ZNF624: variants seen among roughly 807,000 people sequenced by gnomAD.
ZNF624 encodes zinc finger protein 624.
ZNF624 carries 43 observed loss-of-function variants against 74.7 expected under a neutral mutation model. That is an observed-to-expected ratio of 0.58 (90% CI 0.45 to 0.74). The LOEUF (loss-of-function observed/expected upper bound fraction) is 0.74. Among genes scored for constraint, ZNF624 ranks in the 30% least tolerant of loss-of-function variants. The probability of loss-of-function intolerance (pLI) is 0.00; values close to 1 mark genes in which losing one functional copy is unlikely to be tolerated. For missense variants in ZNF624, 820 were observed against 1,030.0 expected, an observed-to-expected ratio of 0.80 and a Z score of 2.79; for synonymous variants, 331 against 341.3, an observed-to-expected ratio of 0.97 and a Z score of 0.33.
downstream of ZNF624, chr17:16,617,240 T>C: frequency 1.7e-5 from 28 of 1,612,890 alleles, no homozygotes; most frequent in Non-Finnish European, 2.4e-5. Context: ...CTTCCAGATC[T>C]ACTGCGGCTG....
intron 5 of ZNF624, among the ~76,000 whole-genome samples, chr17:16,626,372 T>C (rs1256940252): frequency 6.6e-6 from 1 of 152,246 alleles, no homozygotes; most frequent in African/African-American, 2.4e-5. Flanking sequence ...TACTTTTAAA[T>C]AGTTTTAATT....
At chr17:16,640,463 G>A (rs9916706) in intron 3 of ZNF624, among the ~76,000 whole-genome samples, 56,652 of 151,638 alleles carry the variant, frequency 0.37, 11,712 homozygotes, top group East Asian at 0.56. Context: ...AAATAAAAAA[G>A]GGCAAAAATT....
chr17:16,634,703 C>A lies in ZNF624; in HGVS notation c.207G>T (p.Arg69Ser). Residue 69 changes from arginine to serine, a missense_variant, in exon 4 of 6, where the codon AGG becomes AGT. Arg to Ser is a moderately radical substitution (Grantham distance 110). Coordinates refer to ENST00000311331, the MANE Select transcript of ZNF624 (RefSeq NM_020787.4). The stretch of plus-strand genomic sequence containing the variant: ...GGTTCCTCTGTGTAGGGTCCATCAA[C>A]CTCCACTCCTCCAATGTGAAGTCTA... ...VAIDFTLEEWRLMDPTQRNLH... is the reference protein window; with the variant it reads ...VAIDFTLEEWSLMDPTQRNLH... The A allele has an allele frequency of 6.2e-7, 1 of 1,613,832 alleles. No individual in the cohort carries two copies. The highest frequency in any genetic ancestry group is 8.5e-7 in the Non-Finnish European group (1 of 1,179,774).
At chr17:16,643,805 T>C (rs369485620) in intron 3 of ZNF624, among the ~76,000 whole-genome samples, 5 of 151,996 alleles carry the variant, frequency 3.3e-5, no homozygotes, top group East Asian at 3.9e-4. Flanking sequence ...GAATGAAAAA[T>C]TGATTGTAGA....
At chr17:16,651,891 C>T (rs368711543) in intron 1 of ZNF624, among the ~76,000 whole-genome samples, 1 of 151,884 alleles carries the variant, frequency 6.6e-6, no homozygotes, top group African/African-American at 2.4e-5. Context: ...AACAAGTACA[C>T]CTTAAGAAAT....
intron 1 of ZNF624, among the ~76,000 whole-genome samples, chr17:16,652,834 T>C (rs1256198466): frequency 6.6e-6 from 1 of 152,230 alleles, no homozygotes; most frequent in African/African-American, 2.4e-5. Context: ...TAACCCTGCT[T>C]TGGCTACCGT....
intron 2 of ZNF624, 37 bp downstream of exon 2, chr17:16,649,621 C>T: frequency 6.3e-7 from 1 of 1,591,414 alleles, no homozygotes; most frequent in Non-Finnish European, 8.6e-7. Flanking sequence ...GCTCTCAAAC[C>T]AAGATAGTAG....
intron 3 of ZNF624, among the ~76,000 whole-genome samples, chr17:16,638,887 C>G (rs1365949687): frequency 6.6e-6 from 1 of 152,036 alleles, no homozygotes; most frequent in African/African-American, 2.4e-5. Flanking sequence ...AGAGGGGGAA[C>G]AGGTTTAAGG....
Position 16,640,597 on chromosome 17 carries a change from A to G in ZNF624, c.154-5841T>C, listed in dbSNP as rs138854111. Among the ~76,000 whole-genome samples, 17 of 152,316 alleles carry G rather than the reference A, an allele frequency of 1.1e-4. No homozygotes were observed. The East Asian group carries it at 3.3e-3, about 29-fold the overall frequency. ...AGACATTCCTACTGACCTTAAAGAA[A>G]TAAGAGGATTATAAAGGAACACTAT... On this transcript the variant is annotated intron_variant, in intron 3 of 5. Transcript: ENST00000311331.
chr17:16,645,962 A>AAAAAG (rs1555906167), intron 3 of ZNF624, among the ~76,000 whole-genome samples: 1 of 151,240 alleles, frequency 6.6e-6, no homozygotes, highest in Non-Finnish European at 1.5e-5. Flanking sequence ...AAAAAAAAAA[A>AAAAAG]AAAGAAAATG....
rs568297772 is a variant in ZNF624 at position 16,634,673 on chromosome 17, G to A, written c.237C>T (p.His79=). Residue 79 remains histidine (H), a synonymous_variant, in exon 4 of 6, where the codon CAC becomes CAT. Transcript: ENST00000311331. ...RLMDPTQRNL[H]KDVMLENYRN... is the part of the protein sequence containing the mutation. ...TGTAATTCTCTAGCATCACATCCTT[G>A]TGCAGGTTCCTCTGTGTAGGGTCCA... The A allele has an allele frequency of 6.2e-7, 1 of 1,613,800 alleles. No homozygotes were observed. The highest frequency in any genetic ancestry group is 1.3e-5 in the African/African-American group (1 of 75,024).
At chr17:16,647,259 C>T (rs1284964188) in intron 3 of ZNF624, 70 bp downstream of exon 3, 1 of 1,285,188 alleles carries the variant, frequency 7.8e-7, no homozygotes, top group African/African-American at 1.5e-5. Flanking sequence ...TAACTGGGAA[C>T]ATTGAGAATC....
chr17:16,615,449 A>G, the ZNF624 span, among the ~76,000 whole-genome samples: 2 of 152,196 alleles, frequency 1.3e-5, no homozygotes, highest in Non-Finnish European at 2.9e-5. Flanking sequence ...TAGTTGCACA[A>G]TATGACTTAA....
chr17:16,622,475 C>T lies in ZNF624; in HGVS notation c.2411G>A (p.Gly804Glu). 6.2e-7 allele frequency: 1 copy of T among 1,613,942 alleles called. No individual in the cohort carries two copies. Among genetic ancestry groups the T allele is most frequent in the Non-Finnish European group, 8.5e-7 (1 of 1,179,890 alleles). Residue 804 changes from glycine (G) to glutamate (E), a missense_variant, in exon 6 of 6, where the codon GGG (glycine) becomes GAG (glutamate). By Grantham distance (98) the Gly-to-Glu change is moderately conservative. Coordinates refer to ENST00000311331, the MANE Select transcript of ZNF624 (RefSeq NM_020787.4). The stretch of plus-strand genomic sequence containing the variant: ...TTCTTCACATTTATAGGGCCTCTCC[C>T]CAGTATGAATTCTCTGATGTAGGGT... ...QLTLHQRIHT[G>E]ERPYKCEECG...
Position 16,647,350 on chromosome 17 carries a change from T to C in ZNF624, c.132A>G (p.Ala44=). ...TTACCTTTACCAATTGTGTTTCTTC[T>C]GCCTGAAGGTGAAGATCTTCATCTG... ...TQPDEDLHLQ[A]EETQLVKESV... The change falls in exon 3 of 6, where the codon GCA becomes GCG. Residue 44 remains alanine (A), a synonymous_variant. Transcript: ENST00000311331. The C allele has an allele frequency of 1.2e-6, 2 of 1,614,172 alleles. No individual in the cohort carries two copies. Among genetic ancestry groups the C allele is most frequent in the Non-Finnish European group, 1.7e-6 (2 of 1,179,990 alleles).
chr17:16,632,699 T>C (rs1362798781), intron 5 of ZNF624, among the ~76,000 whole-genome samples: 2 of 152,246 alleles, frequency 1.3e-5, no homozygotes, highest in Non-Finnish European at 2.9e-5. Context: ...ATCTCCTGGA[T>C]AGACTATTGT....
At chr17:16,617,452 T>A, downstream of ZNF624, 3 of 1,612,058 alleles carry the variant, frequency 1.9e-6, no homozygotes, top group Admixed American at 1.7e-5. Flanking sequence ...ATTTGTTCCT[T>A]CCTTGTGGGC....
Position 16,622,651 on chromosome 17 carries a change from G to C in ZNF624, c.2235C>G (p.Ile745Met). Residue 745 changes from isoleucine to methionine, a missense_variant, in exon 6 of 6, where the codon ATC becomes ATG. Physicochemically the swap from Ile to Met is conservative, Grantham distance 10. Coordinates refer to ENST00000311331, the MANE Select transcript of ZNF624 (RefSeq NM_020787.4). ...ACTTATAGGGCTTCTCTCCACTATG[G>C]ATTTTCTGATGTTCTGTGACATGTA... ...QMVHVTEHQKIHSGEKPYKCD... is the reference protein window; with the variant it reads ...QMVHVTEHQKMHSGEKPYKCD... The C allele has an allele frequency of 6.2e-7, 1 of 1,613,922 alleles. No homozygotes were observed. Among genetic ancestry groups the C allele is most frequent in the Non-Finnish European group, 8.5e-7 (1 of 1,179,932 alleles).
intron 3 of ZNF624, among the ~76,000 whole-genome samples, chr17:16,641,849 C>T (rs762569548): frequency 6.6e-6 from 1 of 152,146 alleles, no homozygotes; most frequent in Non-Finnish European, 1.5e-5. Context: ...AGTCAATTAT[C>T]TGTATACACT....
Sources: gnomAD v4.1 joint callset for allele counts (sites outside exome capture counted in the v4.1 genomes callset) on GRCh38, gnomAD v4.1.1 for gene constraint, MANE v1.5 for transcripts, NCBI Gene and HGNC (gene_info 2026-07-23, HGNC 2026-07-21) for gene names.